ARHGEF3: variants seen among roughly 807,000 people sequenced by gnomAD.
ARHGEF3 encodes the protein 59.8 kDA protein.
ARHGEF3 carries 28 observed loss-of-function variants against 63.2 expected under a neutral mutation model. The ratio of observed to expected loss-of-function variants is 0.44; its 90% confidence interval spans 0.33 to 0.61. The LOEUF is 0.61. ARHGEF3 is among the 20% of genes least tolerant of loss of function. The probability of loss-of-function intolerance (pLI) is 0.03; values close to 1 mark genes in which losing one functional copy is unlikely to be tolerated. For synonymous variants in ARHGEF3, 266 were observed against 254.2 expected, an observed-to-expected ratio of 1.05 and a Z score of -0.44; for missense variants, 533 against 659.3, an observed-to-expected ratio of 0.81 and a Z score of 2.10.
At chr3:56,976,163 T>C (rs1217948102) in intron 2 of ARHGEF3, among the ~76,000 whole-genome samples, 5 of 152,142 alleles carry the variant, frequency 3.3e-5, no homozygotes, top group African/African-American at 1.2e-4. Flanking sequence ...TGTCTCAGCC[T>C]CCCGAGTACC....
intron 2 of ARHGEF3, among the ~76,000 whole-genome samples, chr3:56,961,482 C>A (rs1277473880): frequency 6.6e-6 from 1 of 152,064 alleles, no homozygotes; most frequent in Non-Finnish European, 1.5e-5. Flanking sequence ...GCAAAGCATA[C>A]CCCTGAAAGA....
Position 56,729,246 on chromosome 3 carries a change from C to A in ARHGEF3, c.*24G>T. On this transcript the variant is annotated 3_prime_UTR_variant, in exon 10 of 10. Coordinates refer to ENST00000296315, the MANE Select transcript of ARHGEF3 (RefSeq NM_019555.3). ...ACTGTACAGGTAAGATGCAGGCCTG[C>A]TTCCCGAAGTGCACATGCTTCTGTC... The A allele has an allele frequency of 1.3e-6, 2 of 1,587,908 alleles. No homozygotes were observed. The highest frequency in any genetic ancestry group is 1.7e-6 in the Non-Finnish European group (2 of 1,164,874).
At chr3:56,769,308 C>A (rs2035883499) in intron 2 of ARHGEF3, among the ~76,000 whole-genome samples, 1 of 152,200 alleles carries the variant, frequency 6.6e-6, no homozygotes, top group South Asian at 2.1e-4. Flanking sequence ...TCACTCCACA[C>A]CAGAGGAGCG....
intron 4 of ARHGEF3, among the ~76,000 whole-genome samples, chr3:56,873,658 C>T (rs150668413): frequency 2.8e-4 from 43 of 152,270 alleles, no homozygotes; most frequent in Admixed American, 9.1e-4. Flanking sequence ...AATCCTCCAG[C>T]CTGAGTCTCC....
At chr3:57,058,045 C>CA (rs1172496208) in intron 1 of ARHGEF3, among the ~76,000 whole-genome samples, 1 of 152,200 alleles carries the variant, frequency 6.6e-6, no homozygotes, top group Non-Finnish European at 1.5e-5. Context: ...TTTAACCCTT[C>CA]AGTCGTGTCC....
intron 3 of ARHGEF3, among the ~76,000 whole-genome samples, chr3:56,942,685 G>C (rs1439197398): frequency 6.6e-6 from 1 of 152,232 alleles, no homozygotes; most frequent in Non-Finnish European, 1.5e-5. Flanking sequence ...CATGTCCAAA[G>C]TTGAGGCAGG....
chr3:56,924,475 G>C (rs955372182), intron 3 of ARHGEF3, among the ~76,000 whole-genome samples: 6 of 152,178 alleles, frequency 3.9e-5, no homozygotes, highest in Non-Finnish European at 7.3e-5. Context: ...GGCAAGTCCA[G>C]AGAGTAAAGT....
In ARHGEF3 at chr3:56,753,585, A is replaced by ATT; in HGVS notation, c.376-20_376-19insAA. 6.2e-7 allele frequency: 1 copy of ATT among 1,608,828 alleles called. No homozygotes were observed. The highest frequency in any genetic ancestry group is 2.2e-5 in the East Asian group (1 of 44,854). ...AGATCGCCTGCAAGGAAAGATAAACATATTCACTGAATTCTCCCTTCATTT... is the reference window on the plus strand; with the variant it reads ...AGATCGCCTGCAAGGAAAGATAAACATTTATTCACTGAATTCTCCCTTCATTT... On this transcript the variant is annotated intron_variant, in intron 3 of 9. Transcript: ENST00000296315.
chr3:57,048,603 G>A (rs573987793), intron 1 of ARHGEF3, among the ~76,000 whole-genome samples: 201 of 152,236 alleles, frequency 1.3e-3, no homozygotes, highest in Non-Finnish European at 2.4e-3. Flanking sequence ...GTGTGCTCTC[G>A]GGGTAGGAGC....
chr3:56,920,866 C>T (rs766863019), intron 3 of ARHGEF3, among the ~76,000 whole-genome samples: 6 of 151,910 alleles, frequency 3.9e-5, no homozygotes, highest in Non-Finnish European at 7.4e-5. Context: ...TCCTGGCTAA[C>T]GTGGTGAAAC....
At chr3:57,069,185 T>G (rs903330400) in intron 1 of ARHGEF3, among the ~76,000 whole-genome samples, 3 of 152,162 alleles carry the variant, frequency 2.0e-5, no homozygotes, top group Non-Finnish European at 4.4e-5. Flanking sequence ...CCTCCCAAAG[T>G]GCTAGGATTA....
At chr3:56,776,069 A>T (rs1428787033) in intron 1 of ARHGEF3, among the ~76,000 whole-genome samples, 1 of 152,164 alleles carries the variant, frequency 6.6e-6, no homozygotes, top group Non-Finnish European at 1.5e-5. Context: ...GCAAACGCCA[A>T]CTGGGTTCCC....
chr3:56,773,641 A>G (rs747056520), intron 2 of ARHGEF3, 68 bp downstream of exon 2: 201 of 1,332,180 alleles, frequency 1.5e-4, no homozygotes, highest in Non-Finnish European at 2.0e-4. Flanking sequence ...AATTCTAGGT[A>G]GGATGGGGAT....
rs555412868 is a variant in ARHGEF3 at position 56,846,893 on chromosome 3, CATT to C, written c.192+35396_192+35398del. 1.9e-4 allele frequency among the ~76,000 whole-genome samples: 29 copies of C among 152,302 alleles called. 1 individual carries two copies. Among genetic ancestry groups the C allele is most frequent in the African/African-American group, 6.3e-4 (26 of 41,556 alleles). ...AAAGGTTGCATTTTAACCAGGAAAA[CATT>C]AATAATTGCATTTTAACAAGGAAAA... On this transcript the variant is annotated intron_variant, in intron 4 of 12. Transcript: ENST00000338458.
At chr3:56,862,433 A>G (rs542358724) in intron 4 of ARHGEF3, among the ~76,000 whole-genome samples, 2 of 152,256 alleles carry the variant, frequency 1.3e-5, no homozygotes, top group Non-Finnish European at 2.9e-5. Context: ...GGATTATTTC[A>G]CTGGGCGACA....
chr3:56,892,448 G>A (rs2041156381), intron 3 of ARHGEF3, among the ~76,000 whole-genome samples: 1 of 152,048 alleles, frequency 6.6e-6, no homozygotes, highest in South Asian at 2.1e-4. Context: ...TGCAATCCTT[G>A]GTTCATAATA....
chr3:57,069,603 C>T (rs11717604), intron 1 of ARHGEF3, among the ~76,000 whole-genome samples: 15,987 of 152,224 alleles, frequency 0.11, 1,052 homozygotes, highest in East Asian at 0.35. Flanking sequence ...TGTGCCAAAG[C>T]ATTACATCTG....
chr3:56,912,019 T>G (rs1234238195), intron 3 of ARHGEF3, among the ~76,000 whole-genome samples: 1 of 151,784 alleles, frequency 6.6e-6, no homozygotes, highest in Non-Finnish European at 1.5e-5. Flanking sequence ...ATAAGCAGAA[T>G]AAAGTAGCTA....
At chr3:56,875,248 G>A (rs960014627) in intron 4 of ARHGEF3, among the ~76,000 whole-genome samples, 18 of 152,270 alleles carry the variant, frequency 1.2e-4, no homozygotes, top group African/African-American at 4.1e-4. Context: ...TGTATCTAAT[G>A]AGTCTCTCAC....
Sources: gnomAD v4.1 joint callset for allele counts (sites outside exome capture counted in the v4.1 genomes callset) on GRCh38, gnomAD v4.1.1 for gene constraint, MANE v1.5 for transcripts, NCBI Gene and HGNC (gene_info 2026-07-23, HGNC 2026-07-21) for gene names.